The following UBE2Z variants were observed in gnomAD, a reference collection of about 807,000 sequenced individuals.
The protein encoded by UBE2Z is ubiquitin-conjugating enzyme E2 Z.
UBE2Z carries 10 observed loss-of-function variants against 32.6 expected under a neutral mutation model. The observed-to-expected ratio is 0.31, with a 90% CI of 0.19 to 0.52. The LOEUF (loss-of-function observed/expected upper bound fraction) is 0.52, where lower values mean the gene tolerates loss of function less well. Ranked by LOEUF, UBE2Z falls within the 20% of genes least tolerant of loss-of-function variation. UBE2Z has a pLI of 0.97. For missense variants in UBE2Z, 343 were observed against 480.9 expected, an observed-to-expected ratio of 0.71 and a Z score of 2.68; for synonymous variants, 183 against 190.8, an observed-to-expected ratio of 0.96 and a Z score of 0.34.
intron 2 of UBE2Z, chr17:48,912,591 G>A (rs2040688152): frequency 2.1e-6 from 1 of 476,812 alleles, no homozygotes; most frequent in Non-Finnish European, 3.8e-6. Flanking sequence ...TTCGCCTTGG[G>A]CTCTAACTTT....
intron 4 of UBE2Z, among the ~76,000 whole-genome samples, chr17:48,918,157 C>T (rs1266753118): frequency 6.6e-6 from 1 of 151,318 alleles, no homozygotes; most frequent in Non-Finnish European, 1.5e-5. Flanking sequence ...AGGCTGGTTT[C>T]GAATTTCGGA....
Position 48,913,049 on chromosome 17 carries a change from TC to T in UBE2Z, c.578+29del, listed in dbSNP as rs774774373. On this transcript the variant is annotated intron_variant, in intron 3 of 6. Transcript: ENST00000360943. ...AAGAGGAGACTTTTAAGTAGCCAAG[TC>T]GGTTGTTAGCAGATAATTACTCTAG... 3.7e-6 allele frequency: 6 copies of T among 1,606,746 alleles called. No homozygotes were observed. In the South Asian group the frequency reaches 6.6e-5, roughly 18 times the overall value.
chr17:48,917,812 C>T (rs1180515047), intron 4 of UBE2Z, among the ~76,000 whole-genome samples: 1 of 152,182 alleles, frequency 6.6e-6, no homozygotes. Flanking sequence ...CCCAGACTTA[C>T]ATTGGAGCCC....
chr17:48,919,880 G>C (rs2040747100), intron 4 of UBE2Z, among the ~76,000 whole-genome samples: 1 of 152,142 alleles, frequency 6.6e-6, no homozygotes, highest in African/African-American at 2.4e-5. Context: ...GTTGATGCCT[G>C]AAGGTTTTCT....
Position 48,927,148 on chromosome 17 carries a change from C to A in UBE2Z, c.*14C>A, listed in dbSNP as rs1342769798. 3.7e-6 allele frequency: 6 copies of A among 1,612,600 alleles called. No individual in the cohort carries two copies. The highest frequency in any genetic ancestry group is 5.1e-6 in the Non-Finnish European group (6 of 1,179,194). ...CTGAGGGTTTAGACCCTGCTCCCAT[C>A]TCCCCTTCCCCCACTCAAGAGTCCC... On this transcript the variant is annotated 3_prime_UTR_variant, in exon 7 of 7. Coordinates refer to ENST00000360943, the MANE Select transcript of UBE2Z (RefSeq NM_023079.5).
intron 4 of UBE2Z, among the ~76,000 whole-genome samples, chr17:48,920,452 G>A (rs756438687): frequency 2.2e-4 from 33 of 151,804 alleles, no homozygotes; most frequent in South Asian, 6.2e-4. Context: ...AGCTGAGATC[G>A]TGCCATTGCA....
intron 3 of UBE2Z, among the ~76,000 whole-genome samples, chr17:48,913,348 T>C (rs539700296): frequency 1.3e-5 from 2 of 152,208 alleles, no homozygotes; most frequent in South Asian, 2.1e-4. Flanking sequence ...ATCTGGTTTT[T>C]TTGGTTGTTG....
At position 48,928,628 on chromosome 17, in the gene UBE2Z, A is replaced by G. The variant is rs750362080; in HGVS notation, c.*1494A>G. 1 of 152,760 alleles carries G rather than the reference A, an allele frequency of 6.5e-6. No homozygotes were observed. Among genetic ancestry groups the G allele is most frequent in the Non-Finnish European group, 1.5e-5 (1 of 68,158 alleles). 9.5% of individuals were successfully genotyped at this position (152,760 alleles called of 1,614,324 possible). A position where few individuals can be genotyped will look rare whatever the true frequency, so the allele number is the denominator to read the frequency against. On this transcript the variant is annotated 3_prime_UTR_variant, in exon 7 of 7. Coordinates refer to ENST00000360943, the MANE Select transcript of UBE2Z (RefSeq NM_023079.5). ...GGCTGGGCACAAAGGAGAATGTCCT[A>G]TTTGGGAGGGCAGGAAGCAAAGGAA...
At chr17:48,916,723 C>CT (rs2040723241) in intron 4 of UBE2Z, among the ~76,000 whole-genome samples, 1 of 151,728 alleles carries the variant, frequency 6.6e-6, no homozygotes, top group Non-Finnish European at 1.5e-5. Flanking sequence ...TGGCTCACAC[C>CT]TGTAATCCCA....
chr17:48,922,644 G>GTAA (rs2040768501), intron 5 of UBE2Z, among the ~76,000 whole-genome samples: 1 of 152,014 alleles, frequency 6.6e-6, no homozygotes, highest in Non-Finnish European at 1.5e-5. Context: ...GCATATGCCT[G>GTAA]TAATCCCAGC....
At chr17:48,912,096 T>C (rs930385163) in intron 2 of UBE2Z, 3 of 149,438 alleles carry the variant, frequency 2.0e-5, no homozygotes, top group Non-Finnish European at 4.4e-5. Context: ...TGGGGAAAGT[T>C]CTGGGACTGG....
In UBE2Z at chr17:48,918,264, A is replaced by G. The variant is rs2040734390; in HGVS notation, c.690+2077A>G. On this transcript the variant is annotated intron_variant, in intron 4 of 6. Coordinates refer to ENST00000360943, the MANE Select transcript of UBE2Z (RefSeq NM_023079.5). Reference sequence around the variant, plus strand: ...ACTTAATTTATTTTTAAACTATTACATATGACACCAACTTTGATTCTTCCT... The same window carrying G: ...ACTTAATTTATTTTTAAACTATTACGTATGACACCAACTTTGATTCTTCCT... 1.3e-5 allele frequency among the ~76,000 whole-genome samples: 2 copies of G among 152,122 alleles called. 1 individual carries two copies. Among genetic ancestry groups the G allele is most frequent in the South Asian group, 4.1e-4 (2 of 4,826 alleles).
At chr17:48,923,521 A>C (rs570775316) in intron 6 of UBE2Z, among the ~76,000 whole-genome samples, 2 of 151,696 alleles carry the variant, frequency 1.3e-5, no homozygotes, top group Admixed American at 1.3e-4. Flanking sequence ...AATCCCGGCT[A>C]CTTGGGAGGC....
intron 6 of UBE2Z, among the ~76,000 whole-genome samples, chr17:48,923,299 CAACAGACCG>C (rs1177084035): frequency 8.1e-6 from 1 of 123,234 alleles, no homozygotes. Context: ...TCAGCCTGGA[CAACAGACCG>C]AGACTCTGTC....
intron 3 of UBE2Z, among the ~76,000 whole-genome samples, chr17:48,914,895 C>T (rs1288865494): frequency 1.3e-5 from 2 of 152,152 alleles, no homozygotes. Context: ...GTGGCGCATG[C>T]CTCTAGTCCC....
chr17:48,918,256 A>G (rs1202576306), intron 4 of UBE2Z, among the ~76,000 whole-genome samples: 1 of 152,122 alleles, frequency 6.6e-6, no homozygotes, highest in Non-Finnish European at 1.5e-5. Context: ...TTATTTTTAA[A>G]CTATTACATA....
At chr17:48,912,662 C>A in intron 2 of UBE2Z, 172 bp from the exon 3 acceptor site, 1 of 641,198 alleles carries the variant, frequency 1.6e-6, no homozygotes, top group South Asian at 2.3e-5. Context: ...AATTCCAAAC[C>A]TACGTATTAG....
intron 3 of UBE2Z, among the ~76,000 whole-genome samples, chr17:48,913,245 A>T (rs562973950): frequency 6.6e-6 from 1 of 152,156 alleles, no homozygotes; most frequent in African/African-American, 2.4e-5. Flanking sequence ...TTCTCTTAAG[A>T]GTGTGGCCCT....
chr17:48,922,789 G>A (rs954770806), intron 5 of UBE2Z, 58 bp from the exon 6 acceptor site: 4 of 1,404,710 alleles, frequency 2.8e-6, no homozygotes, highest in East Asian at 4.7e-5. Context: ...GGTTAGGTAA[G>A]GAAGGGGTGA....
Sources: gnomAD v4.1 joint callset for allele counts (sites outside exome capture counted in the v4.1 genomes callset) on GRCh38, gnomAD v4.1.1 for gene constraint, MANE v1.5 for transcripts, NCBI Gene and HGNC (gene_info 2026-07-23, HGNC 2026-07-21) for gene names.